The following CACNA2D3 variants were observed in gnomAD, a reference collection of about 807,000 sequenced individuals.
The protein encoded by CACNA2D3 is voltage-dependent calcium channel subunit alpha-2/delta-3.
Under a neutral mutation model 160.6 loss-of-function variants are expected in CACNA2D3, and 60 were observed. That is an observed-to-expected ratio of 0.37 (90% CI 0.30 to 0.46). The LOEUF is 0.46. Among genes scored for constraint, CACNA2D3 ranks in the 20% least tolerant of loss-of-function variants. The pLI is 1.00. For missense variants in CACNA2D3, 1,205 were observed against 1,365.0 expected (o/e 0.88, Z 1.85); for synonymous variants, 558 against 492.9 (o/e 1.13, Z -1.75).
At chr3:54,127,523 G>A (rs1236189910) in intron 2 of CACNA2D3, among the ~76,000 whole-genome samples, 1 of 152,182 alleles carries the variant, frequency 6.6e-6, no homozygotes, top group Non-Finnish European at 1.5e-5. Flanking sequence ...GTGCCTTGCT[G>A]CTCGTGGGAA....
At chr3:54,873,096 T>C (rs1699577417) in intron 18 of CACNA2D3, among the ~76,000 whole-genome samples, 1 of 152,098 alleles carries the variant, frequency 6.6e-6, no homozygotes, top group Non-Finnish European at 1.5e-5. Context: ...GTGTTCTTTG[T>C]TTTATTTTTC....
intron 27 of CACNA2D3, among the ~76,000 whole-genome samples, chr3:54,908,276 G>T (rs1559624948): frequency 6.6e-6 from 1 of 152,106 alleles, no homozygotes; most frequent in South Asian, 2.1e-4. Context: ...TTTCCCTAAT[G>T]ACTTAGCATC....
intron 34 of CACNA2D3, among the ~76,000 whole-genome samples, chr3:55,014,718 TGAGAC>T (rs1176743700): frequency 1.3e-5 from 2 of 152,012 alleles, no homozygotes; most frequent in Non-Finnish European, 1.5e-5. Context: ...GGTGACAGAG[TGAGAC>T]TCTGTCTCCA....
At chr3:54,175,613 C>CAAAA (rs1163953295) in intron 2 of CACNA2D3, among the ~76,000 whole-genome samples, 4 of 90,308 alleles carry the variant, frequency 4.4e-5, no homozygotes, top group Non-Finnish European at 6.5e-5. Flanking sequence ...GACTCTGTCT[C>CAAAA]AAAAAAAAAA....
At chr3:55,038,648 C>T (rs358494) in intron 35 of CACNA2D3, among the ~76,000 whole-genome samples, 139,002 of 151,912 alleles carry the variant, frequency 0.92, 63,805 homozygotes, top group East Asian at 1. Context: ...AGTCCTGCAG[C>T]GAAGAAACCT....
At chr3:54,744,590 C>G (rs893848657) in intron 11 of CACNA2D3, among the ~76,000 whole-genome samples, 2 of 152,144 alleles carry the variant, frequency 1.3e-5, no homozygotes, top group African/African-American at 4.8e-5. Context: ...ACTGTCAACC[C>G]CATTATCCTT....
intron 2 of CACNA2D3, among the ~76,000 whole-genome samples, chr3:54,130,027 G>A (rs1699677449): frequency 6.6e-6 from 1 of 152,188 alleles, no homozygotes; most frequent in Non-Finnish European, 1.5e-5. Context: ...CTGGAATTTT[G>A]TAGGCAGTTG....
At chr3:55,059,794 G>C (rs1007442455) in intron 35 of CACNA2D3, among the ~76,000 whole-genome samples, 4 of 152,000 alleles carry the variant, frequency 2.6e-5, no homozygotes, top group African/African-American at 9.7e-5. Flanking sequence ...ATTGGGGGGT[G>C]GAAAGGGATG....
chr3:54,203,308 A>G (rs569517711), intron 2 of CACNA2D3, among the ~76,000 whole-genome samples: 11 of 152,220 alleles, frequency 7.2e-5, no homozygotes, highest in South Asian at 2.1e-4. Context: ...TTGTTGCTCA[A>G]ACCTCTAGGG....
At chr3:54,975,888 G>A (rs1702379828) in intron 29 of CACNA2D3, among the ~76,000 whole-genome samples, 1 of 152,082 alleles carries the variant, frequency 6.6e-6, no homozygotes, top group South Asian at 2.1e-4. Flanking sequence ...CCAGACGTCA[G>A]TCACTTTTAT....
chr3:55,036,561 G>C (rs1477580088), intron 35 of CACNA2D3, among the ~76,000 whole-genome samples: 1 of 151,828 alleles, frequency 6.6e-6, no homozygotes, highest in Non-Finnish European at 1.5e-5. Context: ...TCCACCTCCT[G>C]GGTTCAAGCG....
chr3:54,345,867 T>G (rs951999751), intron 3 of CACNA2D3, among the ~76,000 whole-genome samples: 1 of 151,708 alleles, frequency 6.6e-6, no homozygotes, highest in African/African-American at 2.4e-5. Context: ...ATGTGTAGAA[T>G]CTGAATCAAA....
At chr3:54,393,211 C>A (rs529857790) in intron 4 of CACNA2D3, among the ~76,000 whole-genome samples, 21 of 152,254 alleles carry the variant, frequency 1.4e-4, no homozygotes, top group Admixed American at 9.1e-4. Flanking sequence ...CCGGAAGCAC[C>A]CATCGTCGAC....
chr3:54,767,448 T>C (rs1702246067), intron 13 of CACNA2D3, among the ~76,000 whole-genome samples: 1 of 152,154 alleles, frequency 6.6e-6, no homozygotes, highest in African/African-American at 2.4e-5. Context: ...ATGGAGGTAT[T>C]GGGCAAATGT....
intron 9 of CACNA2D3, among the ~76,000 whole-genome samples, chr3:54,587,798 A>G (rs1021537525): frequency 5.3e-5 from 8 of 152,200 alleles, no homozygotes; most frequent in South Asian, 4.1e-4. Flanking sequence ...TCCTATAACT[A>G]TTAAAGGAAT....
chr3:54,576,665 G>A (rs1702587361), intron 8 of CACNA2D3, among the ~76,000 whole-genome samples: 1 of 152,202 alleles, frequency 6.6e-6, no homozygotes, highest in Admixed American at 6.5e-5. Context: ...GAGGAAGATT[G>A]TGGGTTTGTC....
In CACNA2D3 at chr3:54,930,584, C is replaced by A. The variant is rs567368331; in HGVS notation, c.2449+30716C>A. 5.3e-5 allele frequency among the ~76,000 whole-genome samples: 8 copies of A among 152,290 alleles called. 1 individual carries two copies. The highest frequency in any genetic ancestry group is 1.9e-4 in the African/African-American group (8 of 41,550). On this transcript the variant is annotated intron_variant, in intron 27 of 37. Coordinates refer to ENST00000474759, the MANE Select transcript of CACNA2D3 (RefSeq NM_018398.3). The stretch of plus-strand genomic sequence containing the variant: ...TGGAGGTCAAGACCCTGGCAGAGAA[C>A]CAAAGGCAGTCAAGGACACTTCTGG...
At chr3:54,909,414 C>T (rs915574724) in intron 27 of CACNA2D3, among the ~76,000 whole-genome samples, 1 of 151,488 alleles carries the variant, frequency 6.6e-6, no homozygotes, top group Non-Finnish European at 1.5e-5. Flanking sequence ...GGATTTTGAT[C>T]TCAGTTAAGA....
At chr3:54,860,008 A>ACG (rs1342769367) in intron 17 of CACNA2D3, among the ~76,000 whole-genome samples, 4 of 151,980 alleles carry the variant, frequency 2.6e-5, no homozygotes, top group Admixed American at 6.6e-5. Flanking sequence ...ACACACACAC[A>ACG]CACACAAACA....
Sources: gnomAD v4.1 joint callset for allele counts (sites outside exome capture counted in the v4.1 genomes callset) on GRCh38, gnomAD v4.1.1 for gene constraint, MANE v1.5 for transcripts, NCBI Gene and HGNC (gene_info 2026-07-23, HGNC 2026-07-21) for gene names.